RAB38: variants seen among roughly 807,000 people sequenced by gnomAD.
The protein encoded by RAB38 is RAB38, member RAS oncogene family, also known as ras-related protein Rab-38.
In RAB38, 15 loss-of-function variants were observed where a neutral mutation model predicts 18.4. That is an observed-to-expected ratio of 0.82 (90% CI 0.55 to 1.26). The LOEUF (loss-of-function observed/expected upper bound fraction) is 1.26. RAB38 is among the 50% of genes most tolerant of loss of function. The pLI is 0.00. For synonymous variants in RAB38, 101 were observed against 104.4 expected (o/e 0.97, Z 0.20); for missense variants, 294 against 267.4 (o/e 1.10, Z -0.69).
the RAB38 span, among the ~76,000 whole-genome samples, chr11:88,056,018 CGTGT>C: frequency 6.7e-5 from 10 of 149,862 alleles, no homozygotes; most frequent in Admixed American, 1.3e-4. Context: ...TTTTTTCTTT[CGTGT>C]GTGTGTGTGT....
At chr11:87,900,962 C>A in the RAB38 span, among the ~76,000 whole-genome samples, 1 of 151,528 alleles carries the variant, frequency 6.6e-6, no homozygotes, top group Non-Finnish European at 1.5e-5. Flanking sequence ...TTATTCCAAT[C>A]CAAAGTCTTT....
chr11:88,150,063 CGTCTTTACTGATAATCTTTAAAGA>C, intron 1 of RAB38, 108 bp from the exon 2 acceptor site: 1 of 1,141,936 alleles, frequency 8.8e-7, no homozygotes, highest in Non-Finnish European at 1.2e-6. Context: ...TAAAGTGCTT[CGTCTTTACTGATAATCTTTAAAGA>C]GCGAACTAAA....
the RAB38 span, among the ~76,000 whole-genome samples, chr11:87,860,542 G>T: frequency 6.6e-6 from 1 of 151,798 alleles, no homozygotes; most frequent in Non-Finnish European, 1.5e-5. Context: ...CGTTTTTATT[G>T]TATCTAATTT....
chr11:87,941,249 A>ATATATATGT, the RAB38 span, among the ~76,000 whole-genome samples: 2 of 124,648 alleles, frequency 1.6e-5, no homozygotes, highest in Admixed American at 8.5e-5. Context: ...ATATATATGT[A>ATATATATGT]ACTTCTATTT....
At chr11:88,057,181 G>GAGC in the RAB38 span, among the ~76,000 whole-genome samples, 2 of 152,200 alleles carry the variant, frequency 1.3e-5, no homozygotes, top group African/African-American at 2.4e-5. Flanking sequence ...CACAGAAAGT[G>GAGC]AGCTAAAAAC....
the RAB38 span, among the ~76,000 whole-genome samples, chr11:88,034,833 T>G: frequency 6.6e-6 from 1 of 152,250 alleles, no homozygotes; most frequent in African/African-American, 2.4e-5. Flanking sequence ...TTTGTTGAGT[T>G]TAAATTTACA....
the RAB38 span, among the ~76,000 whole-genome samples, chr11:88,027,533 T>C: frequency 1.3e-5 from 2 of 152,226 alleles, no homozygotes; most frequent in East Asian, 1.9e-4. Flanking sequence ...ACTGCGCTTT[T>C]CTGACGGCCT....
intron 1 of RAB38, chr11:88,173,818 G>A: frequency 2.0e-6 from 2 of 985,368 alleles, no homozygotes; most frequent in Non-Finnish European, 2.4e-6. Flanking sequence ...CCAAATGCAT[G>A]AATCTGTTCA....
At chr11:87,926,560 T>A in the RAB38 span, among the ~76,000 whole-genome samples, 4 of 151,952 alleles carry the variant, frequency 2.6e-5, no homozygotes, top group African/African-American at 9.7e-5. Context: ...TCCCAAAGAA[T>A]TTACCTATTG....
chr11:88,052,652 A>G, the RAB38 span, among the ~76,000 whole-genome samples: 1 of 151,762 alleles, frequency 6.6e-6, no homozygotes, highest in African/African-American at 2.4e-5. Context: ...AGTTCCTGAC[A>G]TTGAACTATC....
chr11:88,148,917 A>G (rs545748632), intron 2 of RAB38, among the ~76,000 whole-genome samples: 2 of 152,312 alleles, frequency 1.3e-5, no homozygotes, highest in South Asian at 2.1e-4. Flanking sequence ...TTTGCCATGA[A>G]AGTATTTTTT....
At chr11:88,104,873 T>G in the RAB38 span, among the ~76,000 whole-genome samples, 3 of 152,150 alleles carry the variant, frequency 2.0e-5, no homozygotes, top group African/African-American at 7.2e-5. Context: ...TCAATATCAC[T>G]CTTCTCAAAA....
chr11:88,018,331 T>C, the RAB38 span, among the ~76,000 whole-genome samples: 1 of 152,190 alleles, frequency 6.6e-6, no homozygotes. Flanking sequence ...TCTCTAGCAT[T>C]GTCCACCCTT....
chr11:87,890,159 A>C, the RAB38 span, among the ~76,000 whole-genome samples: 3 of 152,014 alleles, frequency 2.0e-5, no homozygotes, highest in East Asian at 5.9e-4. Context: ...AAAACTAATA[A>C]AATCTGAAAA....
chr11:87,889,263 C>A, the RAB38 span, among the ~76,000 whole-genome samples: 1 of 151,918 alleles, frequency 6.6e-6, no homozygotes, highest in Non-Finnish European at 1.5e-5. Flanking sequence ...CTGACTGATT[C>A]TACAGCAGAG....
the RAB38 span, among the ~76,000 whole-genome samples, chr11:88,078,291 T>C: frequency 6.6e-6 from 1 of 151,976 alleles, no homozygotes; most frequent in Non-Finnish European, 1.5e-5. Flanking sequence ...AATTACCATA[T>C]GATCCATCAG....
the RAB38 span, among the ~76,000 whole-genome samples, chr11:87,954,929 A>AAGC: frequency 6.6e-6 from 1 of 152,226 alleles, no homozygotes; most frequent in Non-Finnish European, 1.5e-5. Context: ...TATTCAAAAT[A>AAGC]AGCAGAGGAA....
chr11:87,976,195 T>C, the RAB38 span, among the ~76,000 whole-genome samples: 3 of 147,520 alleles, frequency 2.0e-5, no homozygotes, highest in African/African-American at 4.9e-5. Context: ...TATATTTATA[T>C]ATACTCTATG....
At chr11:87,950,791 C>T in the RAB38 span, among the ~76,000 whole-genome samples, 13 of 152,236 alleles carry the variant, frequency 8.5e-5, no homozygotes, top group South Asian at 4.2e-4. Flanking sequence ...GTGGGTAACC[C>T]GACCTTTCTC....
Sources: allele counts gnomAD v4.1 joint callset (sites outside exome capture counted in the v4.1 genomes callset), GRCh38; gene constraint gnomAD v4.1.1; transcripts MANE v1.5; gene names NCBI Gene and HGNC (gene_info 2026-07-23, HGNC 2026-07-21).